LIMCH1: variants seen among roughly 807,000 people sequenced by gnomAD.
LIMCH1 encodes LIM and calponin homology domains-containing protein 1.
LIMCH1 carries 113 observed loss-of-function variants against 176.5 expected under a neutral mutation model. The ratio of observed to expected loss-of-function variants is 0.64; its 90% CI spans 0.55 to 0.75. The LOEUF is 0.75. Among genes scored for constraint, LIMCH1 ranks in the 30% least tolerant of loss-of-function variants. The probability of loss-of-function intolerance (pLI) is 0.00; values close to 1 mark genes in which losing one functional copy is unlikely to be tolerated. For missense variants in LIMCH1, 1,674 were observed against 1,814.9 expected, an observed-to-expected ratio of 0.92 and a Z score of 1.41; for synonymous variants, 619 against 645.9, an observed-to-expected ratio of 0.96 and a Z score of 0.63.
chr4:41,513,105 G>A (rs1384365077), intron 2 of LIMCH1, among the ~76,000 whole-genome samples: 2 of 151,966 alleles, frequency 1.3e-5, no homozygotes, highest in Non-Finnish European at 2.9e-5. Flanking sequence ...TATTTATATT[G>A]TCTACTTCAA....
chr4:41,667,449 A>T (rs2094867659), intron 21 of LIMCH1, among the ~76,000 whole-genome samples: 2 of 152,118 alleles, frequency 1.3e-5, no homozygotes, highest in South Asian at 4.1e-4. Flanking sequence ...AATACTAAAG[A>T]TTTAAAAATG....
rs1440789260 is a variant in LIMCH1 at position 41,631,361 on chromosome 4, TGAA to T, written c.1493_1495del (p.Glu498del). The stretch of plus-strand genomic sequence containing the variant: ...TTGGCAAGGCTGGGCCTAGAGAGGA[TGAA>T]GAAGAAGTCATCTGTCATGGCAGCA... On this transcript the variant is annotated inframe_deletion, in exon 10 of 32. Transcript: ENST00000503057. 24 of 1,536,214 alleles carry T rather than the reference TGAA, an allele frequency of 1.6e-5. No individual in the cohort carries two copies. The highest frequency in any genetic ancestry group is 2.0e-5 in the Non-Finnish European group (23 of 1,146,932).
intron 1 of LIMCH1, among the ~76,000 whole-genome samples, chr4:41,563,921 T>C (rs73810267): frequency 7.8e-4 from 119 of 152,168 alleles, no homozygotes; most frequent in African/African-American, 2.4e-3. Context: ...AAGTCAGGAG[T>C]GTTGGACTTC....
intron 5 of LIMCH1, among the ~76,000 whole-genome samples, chr4:41,618,472 A>G (rs1039793300): frequency 7.9e-5 from 12 of 152,202 alleles, no homozygotes; most frequent in Admixed American, 5.2e-4. Flanking sequence ...CATAATAACT[A>G]TAAAAACTAT....
intron 18 of LIMCH1, among the ~76,000 whole-genome samples, chr4:41,652,846 T>G (rs1165103776): frequency 6.6e-6 from 1 of 152,212 alleles, no homozygotes; most frequent in Non-Finnish European, 1.5e-5. Context: ...ACTTTCTTCC[T>G]AGAAACCAGC....
intron 7 of LIMCH1, among the ~76,000 whole-genome samples, chr4:41,623,383 C>T (rs1008553407): frequency 3.9e-5 from 6 of 152,090 alleles, no homozygotes; most frequent in Admixed American, 3.3e-4. Flanking sequence ...GAGCCATGTC[C>T]GAGGGGAAGA....
At chr4:41,383,133 A>G (rs1422736613) in intron 1 of LIMCH1, among the ~76,000 whole-genome samples, 1 of 152,156 alleles carries the variant, frequency 6.6e-6, no homozygotes, top group Non-Finnish European at 1.5e-5. Flanking sequence ...TTATATTTGA[A>G]CTAATAATCA....
At chr4:41,509,267 C>A (rs1458575713) in intron 2 of LIMCH1, among the ~76,000 whole-genome samples, 1 of 152,196 alleles carries the variant, frequency 6.6e-6, no homozygotes, top group African/African-American at 2.4e-5. Flanking sequence ...GTCCTCAGAG[C>A]AACCCCAGTG....
At chr4:41,633,226 G>T in intron 12 of LIMCH1, 141 bp downstream of exon 12, 1 of 668,982 alleles carries the variant, frequency 1.5e-6, no homozygotes, top group Non-Finnish European at 2.5e-6. Flanking sequence ...AAAAGAGTGT[G>T]CTCATCCCAA....
chr4:41,624,677 CA>C (rs891342808), intron 7 of LIMCH1, among the ~76,000 whole-genome samples: 6 of 152,076 alleles, frequency 3.9e-5, no homozygotes, highest in African/African-American at 1.4e-4. Flanking sequence ...TTCTGGAGAG[CA>C]GAGTTTCCTT....
At chr4:41,623,292 G>A (rs948933718) in intron 7 of LIMCH1, among the ~76,000 whole-genome samples, 3 of 152,168 alleles carry the variant, frequency 2.0e-5, no homozygotes, top group East Asian at 1.9e-4. Flanking sequence ...TGACCAGCAC[G>A]TCTTTGCACC....
At chr4:41,500,083 G>T (rs2072987021) in intron 2 of LIMCH1, among the ~76,000 whole-genome samples, 1 of 152,214 alleles carries the variant, frequency 6.6e-6, no homozygotes, top group Non-Finnish European at 1.5e-5. Flanking sequence ...GACATAGTAG[G>T]GTTTGTCCCA....
chr4:41,381,328 G>A (rs974257601), intron 1 of LIMCH1, among the ~76,000 whole-genome samples: 5 of 152,152 alleles, frequency 3.3e-5, no homozygotes, highest in Admixed American at 1.3e-4. Context: ...GGTGAATACC[G>A]GCTGTCTGTC....
intron 1 of LIMCH1, among the ~76,000 whole-genome samples, chr4:41,490,921 T>A (rs1209128219): frequency 7.2e-6 from 1 of 138,854 alleles, no homozygotes; most frequent in Non-Finnish European, 1.6e-5. Context: ...GAGGCGCTCC[T>A]CACTTCCCAG....
intron 1 of LIMCH1, among the ~76,000 whole-genome samples, chr4:41,480,564 G>A (rs773584188): frequency 6.6e-6 from 1 of 152,142 alleles, no homozygotes; most frequent in South Asian, 2.1e-4. Context: ...CTGAGATTGC[G>A]CCTCTGCACT....
intron 2 of LIMCH1, 71 bp downstream of exon 2, chr4:41,599,097 G>GT (rs1358048825): frequency 5.5e-6 from 5 of 908,390 alleles, no homozygotes; most frequent in Non-Finnish European, 9.1e-6. Context: ...TGATGATGTT[G>GT]TAAGTTCTAA....
In LIMCH1 at chr4:41,598,905, T is replaced by C. The variant is rs776951577; in HGVS notation, c.-240-15T>C. On this transcript the variant is annotated splice_polypyrimidine_tract_variant and intron_variant, in intron 1 of 31. Transcript: ENST00000503057. ...CTAAGATAATATAGACTTATATTTC[T>C]TTTTTTCCTTCTAGGACAATATTAT... 2.0e-6 allele frequency: 3 copies of C among 1,504,166 alleles called. No individual in the cohort carries two copies. In the East Asian group the frequency reaches 6.8e-5, roughly 34 times the overall value. The allele number at this position is 1,504,166 out of a possible 1,614,324, so 93.2% of individuals were successfully genotyped here. A position where few individuals can be genotyped will look rare whatever the true frequency, so the allele number is the denominator to read the frequency against.
chr4:41,436,853 ATGGT>A (rs2062139363), intron 1 of LIMCH1, among the ~76,000 whole-genome samples: 1 of 152,166 alleles, frequency 6.6e-6, no homozygotes. Context: ...GTAAAAACAC[ATGGT>A]TTTTGTCTGG....
At position 41,555,949 on chromosome 4, in the gene LIMCH1, T is replaced by A. The variant is rs553504652; in HGVS notation, c.-241+17599T>A. The stretch of plus-strand genomic sequence containing the variant: ...TTGTAGAGACAGGGTTTCACTGTAT[T>A]GCCCAGGTTGGTCTTGAACTCCTGG... On this transcript the variant is annotated intron_variant, in intron 1 of 31. Coordinates refer to ENST00000503057, the MANE Select transcript of LIMCH1 (RefSeq NM_001330672.2). Among the ~76,000 whole-genome samples the A allele has an allele frequency of 3.9e-5, 6 of 152,238 alleles. No homozygotes were observed. The South Asian group carries it at 1.2e-3, about 32-fold the overall frequency.
Sources: gnomAD v4.1 joint callset for allele counts (sites outside exome capture counted in the v4.1 genomes callset) on GRCh38, gnomAD v4.1.1 for gene constraint, MANE v1.5 for transcripts, NCBI Gene and HGNC (gene_info 2026-07-23, HGNC 2026-07-21) for gene names.